The following TMEM232 variants were observed in gnomAD, a reference collection of about 807,000 sequenced individuals.
TMEM232 encodes the protein transmembrane protein 232.
A neutral mutation model predicts 78.8 loss-of-function variants in TMEM232; 80 were observed. The ratio of observed to expected loss-of-function variants is 1.01; its 90% CI spans 0.85 to 1.22. The LOEUF (loss-of-function observed/expected upper bound fraction) is 1.22, where lower values mean the gene tolerates loss of function less well. TMEM232 is among the 50% of genes most tolerant of loss of function. TMEM232 has a pLI of 0.00. For missense variants in TMEM232, 881 were observed against 742.2 expected, an observed-to-expected ratio of 1.19 and a Z score of -2.17; for synonymous variants, 297 against 254.3, an observed-to-expected ratio of 1.17 and a Z score of -1.60.
Position 110,672,561 on chromosome 5 carries a change from T to C in TMEM232, c.-12-5197A>G, listed in dbSNP as rs1005674276. On this transcript the variant is annotated intron_variant, in intron 1 of 13. Coordinates refer to ENST00000455884, the MANE Select transcript of TMEM232 (RefSeq NM_001039763.4). Reference sequence around the variant, plus strand: ...GAAAAAATAGCCAAACAACTTCAAATTTCCAAAAAGAAAAAGAAAATTAAT... The same window carrying C: ...GAAAAAATAGCCAAACAACTTCAAACTTCCAAAAAGAAAAAGAAAATTAAT... 1.1e-4 allele frequency among the ~76,000 whole-genome samples: 16 copies of C among 152,014 alleles called. 1 individual carries two copies. The highest frequency in any genetic ancestry group is 2.4e-4 in the Non-Finnish European group (16 of 67,988).
chr5:110,448,242 A>G (rs1359862762), intron 12 of TMEM232, among the ~76,000 whole-genome samples: 1 of 152,100 alleles, frequency 6.6e-6, no homozygotes, highest in African/African-American at 2.4e-5. Flanking sequence ...TAGATTTTCA[A>G]GAACTTAGAA....
chr5:110,520,686 G>A (rs546689595), intron 12 of TMEM232, among the ~76,000 whole-genome samples: 11 of 152,158 alleles, frequency 7.2e-5, no homozygotes, highest in South Asian at 2.1e-4. Context: ...TTGGGAGGCC[G>A]AGGCGGGTGG....
At chr5:110,413,027 TGATTG>T (rs1337322673) in intron 2 of TMEM232, among the ~76,000 whole-genome samples, 3 of 152,108 alleles carry the variant, frequency 2.0e-5, no homozygotes, top group African/African-American at 4.8e-5. Flanking sequence ...AGTGTCAACT[TGATTG>T]GATTGAAGGA....
At chr5:110,449,655 G>A (rs1240540020) in intron 12 of TMEM232, among the ~76,000 whole-genome samples, 2 of 151,918 alleles carry the variant, frequency 1.3e-5, no homozygotes, top group Admixed American at 6.6e-5. Context: ...TAAAAACTCA[G>A]TGTATCTAAA....
chr5:110,542,528 G>A (rs909308614), intron 11 of TMEM232, among the ~76,000 whole-genome samples: 1 of 152,194 alleles, frequency 6.6e-6, no homozygotes. Flanking sequence ...AGACAGAGCA[G>A]AATGAGAATT....
chr5:110,571,706 A>T (rs1329469497), intron 10 of TMEM232, among the ~76,000 whole-genome samples: 1 of 145,598 alleles, frequency 6.9e-6, no homozygotes, highest in Admixed American at 7.0e-5. Flanking sequence ...TTTTTTTTTT[A>T]AATTAGCTGG....
chr5:110,491,238 C>A (rs547292402), intron 12 of TMEM232, among the ~76,000 whole-genome samples: 4 of 152,106 alleles, frequency 2.6e-5, no homozygotes, highest in African/African-American at 9.6e-5. Context: ...CATCATTCAT[C>A]ATTAGGGAAA....
intron 12 of TMEM232, among the ~76,000 whole-genome samples, chr5:110,510,375 G>GA (rs1437666287): frequency 1.3e-5 from 2 of 151,732 alleles, no homozygotes; most frequent in African/African-American, 2.4e-5. Context: ...GCTCAGCCTG[G>GA]AAAAAAAAGA....
intron 8 of TMEM232, among the ~76,000 whole-genome samples, chr5:110,615,381 G>GTTA (rs905094664): frequency 1.3e-5 from 2 of 151,816 alleles, no homozygotes; most frequent in Non-Finnish European, 2.9e-5. Flanking sequence ...GGCATTACAA[G>GTTA]TTATTATTAT....
chr5:110,509,046 GTGTATATA>G (rs1767370089), intron 12 of TMEM232, among the ~76,000 whole-genome samples: 1 of 144,574 alleles, frequency 6.9e-6, no homozygotes, highest in African/African-American at 2.5e-5. Context: ...ACACATATAT[GTGTATATA>G]TGTATATATA....
At chr5:110,444,091 G>C (rs1480199129) in intron 12 of TMEM232, among the ~76,000 whole-genome samples, 1 of 151,994 alleles carries the variant, frequency 6.6e-6, no homozygotes, top group Non-Finnish European at 1.5e-5. Flanking sequence ...GCCCTGGCTG[G>C]TATCTCCTTA....
chr5:110,604,965 A>C (rs1277805719), intron 10 of TMEM232, 144 bp downstream of exon 10: 3 of 964,042 alleles, frequency 3.1e-6, no homozygotes, highest in Non-Finnish European at 4.4e-6. Flanking sequence ...CAAAAAATAA[A>C]TCATGCTATA....
At chr5:110,538,321 G>A (rs1007318714) in intron 11 of TMEM232, among the ~76,000 whole-genome samples, 2 of 152,054 alleles carry the variant, frequency 1.3e-5, no homozygotes, top group Admixed American at 6.6e-5. Flanking sequence ...ATGGGGCCAC[G>A]CAGTAATCAA....
chr5:110,602,310 C>T (rs527816706), intron 10 of TMEM232, among the ~76,000 whole-genome samples: 52 of 152,152 alleles, frequency 3.4e-4, no homozygotes, highest in Non-Finnish European at 6.6e-4. Context: ...TCTAATTAAA[C>T]TAAAGAGCTT....
At chr5:110,484,057 G>A (rs1764201903) in intron 12 of TMEM232, among the ~76,000 whole-genome samples, 1 of 152,130 alleles carries the variant, frequency 6.6e-6, no homozygotes, top group Non-Finnish European at 1.5e-5. Context: ...ATTAACATAG[G>A]AACAGAAAAC....
rs1186078163 is a variant in TMEM232, at chr5:110,474,675, ATAAT to A, written c.1704-49763_1704-49760del. On this transcript the variant is annotated intron_variant, in intron 12 of 13. Coordinates refer to ENST00000455884, the MANE Select transcript of TMEM232 (RefSeq NM_001039763.4). ...AGAAAATAAAGATACCCACTTATAA[ATAAT>A]TAGACTTAATATGCATATTTAATAA... Among the ~76,000 whole-genome samples the A allele has an allele frequency of 2.6e-5, 4 of 151,998 alleles. 1 individual carries two copies. Among genetic ancestry groups the A allele is most frequent in the African/African-American group, 9.7e-5 (4 of 41,450 alleles).
At chr5:110,536,111 C>T (rs1006232161) in intron 11 of TMEM232, among the ~76,000 whole-genome samples, 2 of 152,062 alleles carry the variant, frequency 1.3e-5, no homozygotes, top group African/African-American at 4.8e-5. Flanking sequence ...GTCTTTTGTT[C>T]TCTCTTTTTC....
intron 1 of TMEM232, chr5:110,684,866 C>G (rs1793197425): frequency 1.3e-5 from 2 of 152,062 alleles, no homozygotes; most frequent in African/African-American, 4.8e-5. Flanking sequence ...TGTGTTTACT[C>G]TATCTCTTTT....
At chr5:110,691,143 A>T (rs1364733290) in intron 1 of TMEM232, among the ~76,000 whole-genome samples, 1 of 31,200 alleles carries the variant, frequency 3.2e-5, no homozygotes, top group African/African-American at 7.8e-5. Flanking sequence ...TTAAAGTATA[A>T]GGAAAAAAAA....
Sources: gnomAD v4.1 joint callset for allele counts (sites outside exome capture counted in the v4.1 genomes callset) on GRCh38, gnomAD v4.1.1 for gene constraint, MANE v1.5 for transcripts, NCBI Gene and HGNC (gene_info 2026-07-23, HGNC 2026-07-21) for gene names.